Variants in SIPA1L3 observed in about 807,000 individuals in gnomAD.
SIPA1L3 encodes the protein signal-induced proliferation-associated 1-like protein 3.
A neutral mutation model predicts 150.1 loss-of-function variants in SIPA1L3; 59 were observed. The observed-to-expected ratio is 0.39, with a 90% CI of 0.32 to 0.49. The LOEUF is 0.49. SIPA1L3 is among the 20% of genes least tolerant of loss of function. The pLI is 0.86. For synonymous variants in SIPA1L3, 1,070 were observed against 1,077.6 expected (o/e 0.99, Z 0.14); for missense variants, 2,211 against 2,489.5 (o/e 0.89, Z 2.38).
At chr19:38,111,432 G>A (rs926852965) in intron 8 of SIPA1L3, among the ~76,000 whole-genome samples, 5 of 152,128 alleles carry the variant, frequency 3.3e-5, no homozygotes, top group African/African-American at 1.2e-4. Context: ...CTACTGATGG[G>A]TATTACGGTT....
In SIPA1L3 at chr19:38,126,563, G is replaced by A. The variant is rs925119446; in HGVS notation, c.2869-3935G>A. 4.0e-5 allele frequency among the ~76,000 whole-genome samples: 6 copies of A among 150,956 alleles called. No individual in the cohort carries two copies. The East Asian group carries it at 1.2e-3, about 29-fold the overall frequency. ...ATTCTTTTTTTTTTTCTTTAAGACA[G>A]TCTCTCTCTGTTGCCTAGGCTGGAG... On this transcript the variant is annotated intron_variant, in intron 9 of 21. Coordinates refer to ENST00000222345, the MANE Select transcript of SIPA1L3 (RefSeq NM_015073.3).
intron 1 of SIPA1L3, among the ~76,000 whole-genome samples, chr19:38,014,395 T>A (rs903851152): frequency 2.0e-5 from 3 of 152,056 alleles, no homozygotes; most frequent in African/African-American, 7.2e-5. Flanking sequence ...ACAGAGGAAT[T>A]ACAGAAATGT....
chr19:38,007,451 CAAAA>C (rs1302582305), intron 1 of SIPA1L3, among the ~76,000 whole-genome samples: 1 of 23,878 alleles, frequency 4.2e-5, no homozygotes, highest in Non-Finnish European at 6.9e-5. Flanking sequence ...AACTCTGTCT[CAAAA>C]AAAAAAAAAA....
intron 1 of SIPA1L3, among the ~76,000 whole-genome samples, chr19:37,948,493 A>C (rs1317773346): frequency 6.6e-6 from 1 of 151,532 alleles, no homozygotes; most frequent in East Asian, 1.9e-4. Flanking sequence ...AAAAAAGAAG[A>C]GTGGTTGGCA....
At chr19:38,137,749 G>A (rs562387809) in intron 10 of SIPA1L3, among the ~76,000 whole-genome samples, 38 of 152,270 alleles carry the variant, frequency 2.5e-4, no homozygotes, top group Non-Finnish European at 5.0e-4. Context: ...CTCAGACTGA[G>A]TTGTGTGAGT....
At chr19:38,048,730 T>A (rs545834646) in intron 2 of SIPA1L3, among the ~76,000 whole-genome samples, 1 of 152,328 alleles carries the variant, frequency 6.6e-6, no homozygotes, top group South Asian at 2.1e-4. Flanking sequence ...TGGTTTTCTT[T>A]TGAAGAAGTT....
intron 1 of SIPA1L3, among the ~76,000 whole-genome samples, chr19:37,915,657 C>T (rs1022263261): frequency 1.3e-5 from 2 of 152,144 alleles, no homozygotes; most frequent in Non-Finnish European, 2.9e-5. Flanking sequence ...GTTGAGATTA[C>T]AGATGTGAGC....
chr19:37,940,063 G>A (rs1268583020), intron 1 of SIPA1L3, among the ~76,000 whole-genome samples: 1 of 152,154 alleles, frequency 6.6e-6, no homozygotes, highest in Non-Finnish European at 1.5e-5. Flanking sequence ...TATTTTAAAA[G>A]AGCAGCTAGA....
rs756224835 is a variant in SIPA1L3 at position 38,141,196 on chromosome 19, G to A, written c.3156G>A (p.Glu1052=). Reference sequence around the variant, plus strand: ...TTTTTCTCCCCAGGGGTTGGCCGGAGACCTACGACATGAATACCTCGGAGC... The same window carrying A: ...TTTTTCTCCCCAGGGGTTGGCCGGAAACCTACGACATGAATACCTCGGAGC... ...EDGTPRRGWP[E]TYDMNTSEPK... is the part of the protein sequence containing the mutation. The change falls in exon 11 of 22, where the codon GAG becomes GAA. Residue 1052 remains glutamate, a synonymous_variant. Transcript: ENST00000222345. 2 of 1,596,410 alleles carry A rather than the reference G, an allele frequency of 1.3e-6. No individual in the cohort carries two copies. The highest frequency in any genetic ancestry group is 1.1e-5 in the South Asian group (1 of 88,840).
intron 1 of SIPA1L3, among the ~76,000 whole-genome samples, chr19:37,978,475 G>T (rs985546059): frequency 6.6e-6 from 1 of 152,294 alleles, no homozygotes; most frequent in Middle Eastern, 3.4e-3. Flanking sequence ...GCCAGTATAT[G>T]ATCCCCATTG....
Position 38,028,639 on chromosome 19 carries a change from A to G in SIPA1L3, c.-378-450A>G, listed in dbSNP as rs376035898. The stretch of plus-strand genomic sequence containing the variant: ...TCTGAGGACAGCTACTTTGTCTTGG[A>G]GAACCCTGGTTGTATTCCCGGAGCC... On this transcript the variant is annotated intron_variant, in intron 1 of 21. Coordinates refer to ENST00000222345, the MANE Select transcript of SIPA1L3 (RefSeq NM_015073.3). Among the ~76,000 whole-genome samples, 41 of 151,644 alleles carry G rather than the reference A, an allele frequency of 2.7e-4. No individual in the cohort carries two copies. In the South Asian group the frequency reaches 7.7e-3, roughly 29 times the overall value.
In SIPA1L3 at chr19:38,162,278, G is replaced by A; in HGVS notation, c.3687G>A (p.Gln1229=). Residue 1229 remains glutamine, a synonymous_variant, in exon 14 of 22, where the codon CAG becomes CAA. Transcript: ENST00000222345. ...KPEPLWHVPA[Q]ARLSAIAGSS... is the part of the protein sequence containing the mutation. ...AGCCTTTGTGGCATGTGCCTGCCCA[G>A]GCCAGGCTCTCAGCCATAGCCGGAA... The A allele has an allele frequency of 6.2e-7, 1 of 1,614,226 alleles. No individual in the cohort carries two copies. The highest frequency in any genetic ancestry group is 8.5e-7 in the Non-Finnish European group (1 of 1,180,032).
Position 38,110,292 on chromosome 19 carries a change from A to G in SIPA1L3, c.2199A>G (p.Leu733=), listed in dbSNP as rs1970709031. 1.2e-6 allele frequency: 2 copies of G among 1,614,048 alleles called. No individual in the cohort carries two copies. Among genetic ancestry groups the G allele is most frequent in the Middle Eastern group, 3.3e-4 (2 of 6,062 alleles). The change falls in exon 8 of 22, where the codon CTA becomes CTG. Residue 733 remains leucine, a synonymous_variant. Coordinates refer to ENST00000222345, the MANE Select transcript of SIPA1L3 (RefSeq NM_015073.3). The stretch of plus-strand genomic sequence containing the variant: ...TCATCTTCCAGGAGCCTGGCGCGCT[A>G]CCGTTCACCCCCAAGAACATCCGCT... ...VTIIFQEPGA[L]PFTPKNIRSH... is the part of the protein sequence containing the mutation.
intron 1 of SIPA1L3, among the ~76,000 whole-genome samples, chr19:38,010,250 T>A (rs527602262): frequency 1.3e-5 from 2 of 151,656 alleles, no homozygotes; most frequent in South Asian, 2.1e-4. Context: ...AACATAAAAA[T>A]TTTTTAAATG....
intron 12 of SIPA1L3, among the ~76,000 whole-genome samples, chr19:38,149,366 T>C (rs961729934): frequency 4.0e-5 from 6 of 151,888 alleles, no homozygotes; most frequent in East Asian, 3.9e-4. Flanking sequence ...GCCTAAGCAA[T>C]AGGGCAAGAC....
intron 4 of SIPA1L3, among the ~76,000 whole-genome samples, chr19:38,089,155 A>C (rs1970206487): frequency 6.6e-6 from 1 of 151,882 alleles, no homozygotes; most frequent in Admixed American, 6.6e-5. Flanking sequence ...CCCCATCTCT[A>C]CCAAAAATAC....
At chr19:38,086,052 A>T (rs1970123856) in intron 3 of SIPA1L3, among the ~76,000 whole-genome samples, 1 of 152,110 alleles carries the variant, frequency 6.6e-6, no homozygotes, top group African/African-American at 2.4e-5. Flanking sequence ...AAAACTCACA[A>T]CCATAGCGGG....
rs780559308 is a variant in SIPA1L3 at position 38,141,257 on chromosome 19, C to T, written c.3217C>T (p.Arg1073Trp). 3.1e-6 allele frequency: 5 copies of T among 1,613,504 alleles called. No homozygotes were observed. Among genetic ancestry groups the T allele is most frequent in the East Asian group, 2.2e-5 (1 of 44,846 alleles). The change falls in exon 11 of 22, where the codon CGG becomes TGG. Residue 1073 changes from arginine to tryptophan, a missense_variant. By Grantham distance (101) the Arg-to-Trp change is moderately radical (BLOSUM62 -3). Around this residue, in one of 5 missense-constraint regions of SIPA1L3, gnomAD observed 806 missense variants for 870.1 expected, o/e 0.93. Transcript: ENST00000222345. ...GCAGGAAAGCATCACTCCTGGGGGC[C>T]GGCCCCCCTACCGCAGCAATGCTCC... ...TEQESITPGG[R>W]PPYRSNAPWQ...
chr19:38,142,254 G>T (rs1479678917), intron 11 of SIPA1L3, among the ~76,000 whole-genome samples: 3 of 152,204 alleles, frequency 2.0e-5, no homozygotes, highest in African/African-American at 7.2e-5. Flanking sequence ...AATCCAACTT[G>T]CAGAGGGACA....
Sources: gnomAD v4.1 joint callset for allele counts (sites outside exome capture counted in the v4.1 genomes callset) on GRCh38, gnomAD v4.1.1 for gene constraint, gnomAD v4.1.1 regional missense constraint, MANE v1.5 for transcripts, NCBI Gene and HGNC (gene_info 2026-07-23, HGNC 2026-07-21) for gene names.